Variants in CYB5R4 observed in about 807,000 individuals in gnomAD.
CYB5R4 encodes the protein N-terminal cytochrome b5 and cytochrome b5 oxidoreductase domain-containing protein.
Under a neutral mutation model 70.2 loss-of-function variants are expected in CYB5R4, and 55 were observed. The observed-to-expected ratio is 0.78, with a 90% CI of 0.63 to 0.98. The LOEUF is 0.98. Among genes scored for constraint, CYB5R4 ranks in the 50% least tolerant of loss-of-function variants. The pLI is 0.00. For missense variants in CYB5R4, 562 were observed against 612.6 expected (o/e 0.92, Z 0.87); for synonymous variants, 197 against 199.5 (o/e 0.99, Z 0.11).
intron 3 of CYB5R4, 59 bp downstream of exon 3, chr6:83,893,681 T>G: frequency 3.1e-6 from 3 of 970,428 alleles, no homozygotes; most frequent in Non-Finnish European, 4.8e-6. Context: ...GATTTATCAG[T>G]GTGACATTTG....
intron 10 of CYB5R4, among the ~76,000 whole-genome samples, chr6:83,928,954 C>T (rs2099467738): frequency 6.6e-6 from 1 of 152,176 alleles, no homozygotes. Context: ...TTTATTTCTG[C>T]TGTAAATTTT....
At chr6:83,910,253 C>A in intron 4 of CYB5R4, 1 of 924,474 alleles carries the variant, frequency 1.1e-6, no homozygotes, top group Admixed American at 2.6e-5. Context: ...GTTCTTTCTT[C>A]TAGAAGCCTC....
intron 15 of CYB5R4, among the ~76,000 whole-genome samples, chr6:83,955,697 G>A (rs913954214): frequency 2.6e-5 from 4 of 152,148 alleles, no homozygotes; most frequent in Admixed American, 1.3e-4. Context: ...TTCTCTGCTC[G>A]TGATGGCTGC....
At chr6:83,940,364 C>A in intron 13 of CYB5R4, 151 bp from the exon 14 acceptor site, 1 of 1,028,388 alleles carries the variant, frequency 9.7e-7, no homozygotes, top group Non-Finnish European at 1.4e-6. Flanking sequence ...ATTTTATTAA[C>A]TAGGTTCTTT....
Position 83,936,210 on chromosome 6 carries a change from ATT to A in CYB5R4, c.956-6_956-5del. On this transcript the variant is annotated splice_polypyrimidine_tract_variant and intron_variant, in intron 11 of 15. Transcript: ENST00000369681. ...TTTAGAATTTAATTATTTTGCTGTG[ATT>A]TTTTTTTCTAGGTACAGAAATAGTA... The A allele has an allele frequency of 6.6e-7, 1 of 1,510,962 alleles. No individual in the cohort carries two copies. The highest frequency in any genetic ancestry group is 8.9e-7 in the Non-Finnish European group (1 of 1,128,870). The allele number at this position is 1,510,962 out of a possible 1,614,324, so 93.6% of individuals were successfully genotyped here. A position where few individuals can be genotyped will look rare whatever the true frequency, so the allele number is the denominator to read the frequency against.
At chr6:83,878,830 C>G (rs1017241919) in intron 2 of CYB5R4, among the ~76,000 whole-genome samples, 4 of 151,992 alleles carry the variant, frequency 2.6e-5, no homozygotes, top group African/African-American at 9.7e-5. Context: ...CAGTGTACCA[C>G]AGACTTCAAA....
At chr6:83,953,652 C>T (rs1367877213) in intron 14 of CYB5R4, among the ~76,000 whole-genome samples, 1 of 151,924 alleles carries the variant, frequency 6.6e-6, no homozygotes, top group East Asian at 1.9e-4. Flanking sequence ...AGGGCTAAGG[C>T]TGTTAATGTA....
intron 2 of CYB5R4, among the ~76,000 whole-genome samples, chr6:83,887,159 G>A (rs1324024302): frequency 6.6e-6 from 1 of 152,114 alleles, no homozygotes; most frequent in African/African-American, 2.4e-5. Flanking sequence ...GTAAAAAAAT[G>A]ATATCCTTGA....
chr6:83,959,137 A>G (rs2099472905), intron 15 of CYB5R4, among the ~76,000 whole-genome samples: 3 of 152,208 alleles, frequency 2.0e-5, no homozygotes. Flanking sequence ...AGGATTCCTC[A>G]GCTGATTAAT....
chr6:83,935,765 A>G (rs1288982617), intron 11 of CYB5R4, among the ~76,000 whole-genome samples: 2 of 152,154 alleles, frequency 1.3e-5, no homozygotes, highest in East Asian at 3.8e-4. Context: ...TAAAAAGTGA[A>G]ATTTCTTCCT....
At chr6:83,917,713 G>A (rs557340806) in intron 5 of CYB5R4, among the ~76,000 whole-genome samples, 2 of 152,174 alleles carry the variant, frequency 1.3e-5, no homozygotes, top group East Asian at 1.9e-4. Context: ...CTTATATAAA[G>A]TTCAAACACA....
intron 5 of CYB5R4, 56 bp from the exon 6 acceptor site, chr6:83,917,949 A>G (rs2099465772): frequency 7.9e-6 from 11 of 1,385,232 alleles, no homozygotes; most frequent in Admixed American, 5.5e-5. Flanking sequence ...TTAACTTAAA[A>G]GACAAAAAGT....
rs1329045200 is a variant in CYB5R4 at position 83,967,305 on chromosome 6, AAAAG to A, written c.*7433_*7436del. The A allele has an allele frequency of 4.6e-5, 7 of 152,244 alleles. No homozygotes were observed. Among genetic ancestry groups the A allele is most frequent in the African/African-American group, 1.4e-4 (6 of 41,466 alleles). 9.4% of individuals were successfully genotyped at this position (152,244 alleles called of 1,614,324 possible). A position where few individuals can be genotyped will look rare whatever the true frequency, so the allele number is the denominator to read the frequency against. ...AGAACTAAAACAAAATGAGAGTTAA[AAAAG>A]AAAGAGTATAGGTATATGCTAAACT... On this transcript the variant is annotated 3_prime_UTR_variant, in exon 16 of 16. Coordinates refer to ENST00000369681, the MANE Select transcript of CYB5R4 (RefSeq NM_016230.4).
chr6:83,860,802 C>T (rs1459934036), intron 1 of CYB5R4, among the ~76,000 whole-genome samples: 1 of 152,210 alleles, frequency 6.6e-6, no homozygotes, highest in Admixed American at 6.5e-5. Flanking sequence ...ATTAGCTTTC[C>T]AGAGATTTCT....
At chr6:83,919,833 TA>T (rs1427969962) in intron 7 of CYB5R4, among the ~76,000 whole-genome samples, 2 of 150,990 alleles carry the variant, frequency 1.3e-5, no homozygotes, top group African/African-American at 4.9e-5. Flanking sequence ...GAATCTCAGT[TA>T]ACATCACCAT....
At chr6:83,956,373 G>A (rs2147860) in intron 15 of CYB5R4, among the ~76,000 whole-genome samples, 2 of 151,964 alleles carry the variant, frequency 1.3e-5, no homozygotes, top group East Asian at 1.9e-4. Context: ...AGCTGGATTG[G>A]GGGGGGCACG....
At chr6:83,916,708 CACCATCAGCCCA>C (rs1388503871) in intron 5 of CYB5R4, among the ~76,000 whole-genome samples, 2 of 152,140 alleles carry the variant, frequency 1.3e-5, no homozygotes, top group Non-Finnish European at 1.5e-5. Context: ...ACTCAGGGCT[CACCATCAGCCCA>C]TTCAGAAAAA....
intron 8 of CYB5R4, among the ~76,000 whole-genome samples, chr6:83,921,417 C>T (rs956240831): frequency 7.9e-5 from 12 of 152,282 alleles, no homozygotes; most frequent in Admixed American, 4.6e-4. Context: ...ATATAAAATA[C>T]TTGTTGGCCC....
chr6:83,933,051 T>A (rs530236252), intron 10 of CYB5R4, among the ~76,000 whole-genome samples: 1 of 152,306 alleles, frequency 6.6e-6, no homozygotes, highest in South Asian at 2.1e-4. Flanking sequence ...GGGTCTCTAG[T>A]TGTATTCTTA....
Sources: gnomAD v4.1 joint callset for allele counts (sites outside exome capture counted in the v4.1 genomes callset) on GRCh38, gnomAD v4.1.1 for gene constraint, MANE v1.5 for transcripts, NCBI Gene and HGNC (gene_info 2026-07-23, HGNC 2026-07-21) for gene names.